Variants in RGS6 observed in about 807,000 individuals in gnomAD.
RGS6 encodes the protein regulator of G-protein signaling 6.
A neutral mutation model predicts 78.5 loss-of-function variants in RGS6; 30 were observed. That is an observed-to-expected ratio of 0.38 (90% CI 0.29 to 0.52). RGS6 has a LOEUF of 0.52. Ranked by LOEUF, RGS6 falls within the 20% of genes least tolerant of loss-of-function variation. The pLI is 0.85. For synonymous variants in RGS6, 206 were observed against 206.0 expected, an observed-to-expected ratio of 1.00 and a Z score of 0.00; for missense variants, 495 against 609.7, an observed-to-expected ratio of 0.81 and a Z score of 1.98.
In RGS6 at chr14:72,371,321, A is replaced by T. The variant is rs199797386; in HGVS notation, c.184+19127A>T. Among the ~76,000 whole-genome samples, 16 of 152,272 alleles carry T rather than the reference A, an allele frequency of 1.1e-4. 1 individual carries two copies. In the East Asian group the frequency reaches 2.7e-3, roughly 26 times the overall value. On this transcript the variant is annotated intron_variant, in intron 3 of 17. Transcript: ENST00000553525. ...AATGTCGCATTAATTCATCTTTTCA[A>T]CATTTTTCCTTGTTTGATTTTTTTC...
At chr14:72,465,687 T>A in intron 6 of RGS6, 71 bp from the exon 7 acceptor site, 2 of 1,090,036 alleles carry the variant, frequency 1.8e-6, no homozygotes. Context: ...GATGGACAGA[T>A]GGATGGATGG....
intron 3 of RGS6, among the ~76,000 whole-genome samples, chr14:72,372,934 C>G (rs1461899635): frequency 6.6e-6 from 1 of 152,114 alleles, no homozygotes; most frequent in East Asian, 1.9e-4. Context: ...CATGGGGCAG[C>G]CCACACCAAA....
At chr14:72,418,149 C>CAGTGT (rs1175476262) in intron 3 of RGS6, among the ~76,000 whole-genome samples, 6 of 151,832 alleles carry the variant, frequency 4.0e-5, no homozygotes, top group Admixed American at 1.3e-4. Context: ...TCTGTACTGC[C>CAGTGT]AGTGTCTCTC....
intron 2 of RGS6, among the ~76,000 whole-genome samples, chr14:72,242,513 C>T (rs1336439928): frequency 6.6e-6 from 1 of 152,114 alleles, no homozygotes. Context: ...TTTAACATCA[C>T]AAATAAATGT....
chr14:72,430,096 G>C lies in RGS6; in HGVS notation c.185-24432G>C, dbSNP rs543467914. On this transcript the variant is annotated intron_variant, in intron 3 of 17. Coordinates refer to ENST00000553525, the MANE Select transcript of RGS6 (RefSeq NM_001204424.2). ...CAGTCTCTGGCAGTTCTTTACAGCA[G>C]TATGAAAATGGACTAATACAACACC... Among the ~76,000 whole-genome samples the C allele has an allele frequency of 1.2e-4, 18 of 152,318 alleles. No individual in the cohort carries two copies. In the South Asian group the frequency reaches 3.7e-3, roughly 32 times the overall value.
At chr14:71,889,698 C>A in the RGS6 span, among the ~76,000 whole-genome samples, 15 of 152,182 alleles carry the variant, frequency 9.9e-5, no homozygotes, top group African/African-American at 3.6e-4. Context: ...TGTTGTTTTG[C>A]CAAGTGATAT....
chr14:72,143,218 C>T (rs142066403), intron 2 of RGS6, among the ~76,000 whole-genome samples: 131 of 151,952 alleles, frequency 8.6e-4, no homozygotes, highest in African/African-American at 2.9e-3. Flanking sequence ...AAATAAAATA[C>T]GTAAATTAGT....
chr14:71,910,668 T>A, the RGS6 span, among the ~76,000 whole-genome samples: 1 of 152,106 alleles, frequency 6.6e-6, no homozygotes, highest in Non-Finnish European at 1.5e-5. Flanking sequence ...GACAGCAGCA[T>A]TGGGTAAAGA....
intron 1 of RGS6, among the ~76,000 whole-genome samples, chr14:71,939,805 C>T (rs2090202616): frequency 6.6e-6 from 1 of 152,236 alleles, no homozygotes; most frequent in African/African-American, 2.4e-5. Flanking sequence ...GAATCACCAT[C>T]CCTGCATCTT....
chr14:72,486,872 A>C (rs914749061), intron 12 of RGS6, among the ~76,000 whole-genome samples: 1 of 152,192 alleles, frequency 6.6e-6, no homozygotes, highest in African/African-American at 2.4e-5. Flanking sequence ...GTTTCTGCAC[A>C]GTCTGATGAT....
At chr14:72,054,410 T>G (rs2072245) in intron 2 of RGS6, among the ~76,000 whole-genome samples, 2 of 151,988 alleles carry the variant, frequency 1.3e-5, no homozygotes, top group Non-Finnish European at 2.9e-5. Context: ...TTGAGATTCT[T>G]GCTTCTAAAA....
chr14:72,410,411 G>T (rs1425451409), intron 3 of RGS6, among the ~76,000 whole-genome samples: 2 of 152,034 alleles, frequency 1.3e-5, no homozygotes, highest in Non-Finnish European at 2.9e-5. Context: ...TTGTTGATGG[G>T]GTTGTTTGTT....
chr14:71,874,735 A>G, the RGS6 span, among the ~76,000 whole-genome samples: 13 of 152,294 alleles, frequency 8.5e-5, no homozygotes, highest in African/African-American at 2.6e-4. Flanking sequence ...TTCAAAGGGA[A>G]TGCTTCCAGT....
intron 2 of RGS6, among the ~76,000 whole-genome samples, chr14:72,165,757 T>C (rs1424644555): frequency 1.3e-5 from 2 of 152,172 alleles, no homozygotes; most frequent in African/African-American, 4.8e-5. Context: ...CCTGTCAGTG[T>C]TTTTGCTCGG....
intron 2 of RGS6, among the ~76,000 whole-genome samples, chr14:72,189,338 A>G (rs1567420891): frequency 6.6e-6 from 1 of 152,198 alleles, no homozygotes; most frequent in Non-Finnish European, 1.5e-5. Context: ...AACATCAGCA[A>G]GAGTAGCAAA....
chr14:71,898,011 CT>C, the RGS6 span, among the ~76,000 whole-genome samples: 209 of 139,186 alleles, frequency 1.5e-3, 1 homozygote, highest in South Asian at 2.0e-3. Flanking sequence ...TTTTTATTTC[CT>C]TTTTTTTTTT....
At chr14:72,177,636 C>T (rs939209607) in intron 2 of RGS6, among the ~76,000 whole-genome samples, 8 of 152,142 alleles carry the variant, frequency 5.3e-5, no homozygotes, top group East Asian at 1.9e-4. Context: ...TAGCACAATA[C>T]GAAATAATTG....
the RGS6 span, among the ~76,000 whole-genome samples, chr14:72,627,874 T>A: frequency 6.6e-6 from 1 of 152,100 alleles, no homozygotes; most frequent in African/African-American, 2.4e-5. Context: ...GTTAAATATA[T>A]CCCTAAGTAT....
chr14:72,084,825 G>A (rs1244607380), intron 2 of RGS6, among the ~76,000 whole-genome samples: 1 of 152,000 alleles, frequency 6.6e-6, no homozygotes, highest in Non-Finnish European at 1.5e-5. Flanking sequence ...ATAGTATTGT[G>A]GCTGCTCATG....
Sources: allele counts gnomAD v4.1 joint callset (sites outside exome capture counted in the v4.1 genomes callset), GRCh38; gene constraint gnomAD v4.1.1; transcripts MANE v1.5; gene names NCBI Gene and HGNC (gene_info 2026-07-23, HGNC 2026-07-21).